PP2D1: variants seen among roughly 807,000 people sequenced by gnomAD.
PP2D1 encodes protein phosphatase 2C like domain containing 1.
PP2D1 carries 25 observed loss-of-function variants against 30.2 expected under a neutral mutation model. That is an observed-to-expected ratio of 0.83 (90% CI 0.60 to 1.16). The LOEUF (loss-of-function observed/expected upper bound fraction) is 1.16. Ranked by LOEUF, PP2D1 falls within the 50% of genes most tolerant of loss-of-function variation. PP2D1 has a pLI of 0.00. For synonymous variants in PP2D1, 260 were observed against 258.9 expected, an observed-to-expected ratio of 1.00 and a Z score of -0.04; for missense variants, 760 against 742.4, an observed-to-expected ratio of 1.02 and a Z score of -0.28.
chr3:19,989,690 T>C (rs554328997), intron 2 of PP2D1, among the ~76,000 whole-genome samples: 76 of 152,290 alleles, frequency 5.0e-4, no homozygotes, highest in African/African-American at 1.7e-3. Flanking sequence ...TTAGTACATA[T>C]GGTTCAGTAC....
In PP2D1 at chr3:19,988,470, TGATAA is replaced by T. The variant is rs565826256; in HGVS notation, c.1091-2293_1091-2289del. ...TTGTCTGCTCTCAAACCCTGTCTCCTGATAAGATGTTATCAATGACAATGCATGCC... is the reference window on the plus strand; with the variant it reads ...TTGTCTGCTCTCAAACCCTGTCTCCTGATGTTATCAATGACAATGCATGCC... On this transcript the variant is annotated intron_variant, in intron 2 of 2. Coordinates refer to ENST00000389050, the MANE Select transcript of PP2D1 (RefSeq NM_001252657.2). Among the ~76,000 whole-genome samples the T allele has an allele frequency of 8.8e-4, 134 of 152,348 alleles. 2 individuals are homozygous for T. The Middle Eastern group carries it at 0.031, about 35-fold the overall frequency.
At chr3:19,983,211 C>T (rs867508711), downstream of PP2D1, among the ~76,000 whole-genome samples, 1 of 151,850 alleles carries the variant, frequency 6.6e-6, no homozygotes, top group Non-Finnish European at 1.5e-5. Flanking sequence ...TGGGGCATGC[C>T]TGTAATTCCA....
chr3:20,006,951 G>A (rs1487952172), intron 1 of PP2D1, among the ~76,000 whole-genome samples: 9 of 149,644 alleles, frequency 6.0e-5, no homozygotes, highest in African/African-American at 2.2e-4. Context: ...ACGTATGTGT[G>A]TATATATATA....
chr3:20,007,180 A>G (rs1036065966), intron 1 of PP2D1, among the ~76,000 whole-genome samples: 32 of 152,096 alleles, frequency 2.1e-4, no homozygotes, highest in African/African-American at 7.2e-4. Flanking sequence ...GCCCTCCTGT[A>G]TACTTTAAAT....
rs563545201 is a variant in PP2D1, at chr3:20,004,425, A to G, written c.24-2329T>C. Among the ~76,000 whole-genome samples the G allele has an allele frequency of 2.6e-5, 4 of 152,336 alleles. No individual in the cohort carries two copies. In the East Asian group the frequency reaches 7.7e-4, roughly 29 times the overall value. On this transcript the variant is annotated intron_variant, in intron 1 of 2. Coordinates refer to ENST00000389050, the MANE Select transcript of PP2D1 (RefSeq NM_001252657.2). Reference sequence around the variant, plus strand: ...CATCGTTAAATGATGCATGATTGTAATTACTTTTGTACTGCATTTCGTCTG... The same window carrying G: ...CATCGTTAAATGATGCATGATTGTAGTTACTTTTGTACTGCATTTCGTCTG...
In PP2D1 at chr3:20,001,474, C is replaced by G. The variant is rs1251905874; in HGVS notation, c.646G>C (p.Ala216Pro). The change falls in exon 2 of 3, where the codon GCA becomes CCA. Residue 216 changes from alanine (A) to proline (P), a missense_variant. Physicochemically the swap from Ala to Pro is conservative, Grantham distance 27. Coordinates refer to ENST00000389050, the MANE Select transcript of PP2D1 (RefSeq NM_001252657.2). ...GGGAGTTCCATTGATGTCAACTCTG[C>G]CGCTGAGGCACCGTGATGTCCATCA... Reference protein sequence around the residue: ...LFDGHHGASAAELTSMELPVL... With the variant: ...LFDGHHGASAPELTSMELPVL... The G allele has an allele frequency of 2.0e-6, 3 of 1,536,240 alleles. No individual in the cohort carries two copies. Among genetic ancestry groups the G allele is most frequent in the Non-Finnish European group, 2.6e-6 (3 of 1,146,952 alleles).
Position 19,985,878 on chromosome 3 carries a change from T to G in PP2D1, c.1395A>C (p.Glu465Asp). The G allele has an allele frequency of 6.5e-7, 1 of 1,536,444 alleles. No homozygotes were observed. The highest frequency in any genetic ancestry group is 8.7e-7 in the Non-Finnish European group (1 of 1,146,958). Residue 465 changes from glutamate (E) to aspartate (D), a missense_variant, in exon 3 of 3, where the codon GAA becomes GAC. Transcript: ENST00000389050. ...ATGTTGTCATTGCCAGGGCAGTAAC[T>G]TCCTCTTTATCCAAAACTTCCCAAA... ...NGLWEVLDKE[E>D]VTALAMTTFH...
chr3:20,010,026 C>G (rs183174266), intron 1 of PP2D1, among the ~76,000 whole-genome samples: 3 of 152,200 alleles, frequency 2.0e-5, no homozygotes, highest in Non-Finnish European at 4.4e-5. Flanking sequence ...CCCATACACT[C>G]ATCACTAGCT....
Position 19,985,533 on chromosome 3 carries a change from A to G in PP2D1, c.1740T>C (p.Asn580=). ...AACTCTTAGTGTCTGATTCTTTTTC[A>G]TTTGTTGCCACATCATTTACACTAG... ...RPTSVNDVAT[N]EKESDTKSFY... is the part of the protein sequence containing the mutation. Residue 580 remains asparagine, a synonymous_variant, in exon 3 of 3, where the codon AAT becomes AAC. Coordinates refer to ENST00000389050, the MANE Select transcript of PP2D1 (RefSeq NM_001252657.2). 6.5e-7 allele frequency: 1 copy of G among 1,535,958 alleles called. No homozygotes were observed. Among genetic ancestry groups the G allele is most frequent in the Non-Finnish European group, 8.7e-7 (1 of 1,146,842 alleles).
At chr3:19,981,218 T>A (rs1337445010), downstream of PP2D1, among the ~76,000 whole-genome samples, 7 of 152,232 alleles carry the variant, frequency 4.6e-5, no homozygotes. Context: ...TGGTTTGACT[T>A]ACGATTTTAT....
chr3:19,994,037 C>A (rs2125140634), intron 2 of PP2D1, among the ~76,000 whole-genome samples: 1 of 134,766 alleles, frequency 7.4e-6, no homozygotes, highest in Admixed American at 7.4e-5. Flanking sequence ...AGGCCCAATT[C>A]TGTCTTAAAA....
Position 19,985,356 on chromosome 3 carries a change from C to T in PP2D1, c.*24G>A, listed in dbSNP as rs751264443. The T allele has an allele frequency of 8.9e-6, 13 of 1,466,636 alleles. No homozygotes were observed. In the South Asian group the frequency reaches 1.6e-4, roughly 18 times the overall value. 90.9% of individuals were successfully genotyped at this position (1,466,636 alleles called of 1,614,324 possible). ...AAGAATCACTTTATATTTTGGTGCT[C>T]TGGATAATTGGAACTTTATTTTTTT... is the stretch of plus-strand genomic sequence containing the variant. On this transcript the variant is annotated 3_prime_UTR_variant, in exon 3 of 3. Transcript: ENST00000389050.
chr3:19,994,472 C>G (rs1697153862), intron 2 of PP2D1, among the ~76,000 whole-genome samples: 1 of 152,166 alleles, frequency 6.6e-6, no homozygotes, highest in Non-Finnish European at 1.5e-5. Context: ...CTCTGCAAAA[C>G]AAAGAATGTG....
In PP2D1 at chr3:20,002,002, T is replaced by C; in HGVS notation, c.118A>G (p.Lys40Glu). The C allele has an allele frequency of 6.5e-7, 1 of 1,536,080 alleles. No homozygotes were observed. Among genetic ancestry groups the C allele is most frequent in the South Asian group, 1.2e-5 (1 of 84,066 alleles). The change falls in exon 2 of 3, where the codon AAG (lysine) becomes GAG (glutamate). Residue 40 changes from lysine (K) to glutamate (E), a missense_variant. Lys to Glu is a moderately conservative substitution (Grantham distance 56, BLOSUM62 1). Coordinates refer to ENST00000389050, the MANE Select transcript of PP2D1 (RefSeq NM_001252657.2). ...TGTCTCACTGGTCTTGACTTTTTCT[T>C]TCTAAAACGTTTTCTTTTGGGTAAA... ...LLLPKRKRFR[K>E]KKSRPVRHTK...
downstream of PP2D1, chr3:19,985,057 G>C: frequency 4.1e-6 from 1 of 242,006 alleles, no homozygotes; most frequent in Non-Finnish European, 7.9e-6. Flanking sequence ...ATCTATTTAA[G>C]TGTTGGACTG....
chr3:20,001,890 C>T lies in PP2D1; in HGVS notation c.230G>A (p.Gly77Asp). ...ATGTTGCTTCTTATGGAGAAAAATACCAGTTAGGTCAATTTCGTGCTTGCA... is the reference window on the plus strand; with the variant it reads ...ATGTTGCTTCTTATGGAGAAAAATATCAGTTAGGTCAATTTCGTGCTTGCA... The part of the protein sequence containing the change: ...SICKHEIDLT[G>D]IFLHKKQHVA... The change falls in exon 2 of 3, where the codon GGT (glycine) becomes GAT (aspartate). Residue 77 changes from glycine (G) to aspartate (D), a missense_variant. Physicochemically the swap from Gly to Asp is moderately conservative, Grantham distance 94. Transcript: ENST00000389050. 1.3e-6 allele frequency: 2 copies of T among 1,536,174 alleles called. No homozygotes were observed. Among genetic ancestry groups the T allele is most frequent in the Non-Finnish European group, 1.7e-6 (2 of 1,146,924 alleles).
downstream of PP2D1, among the ~76,000 whole-genome samples, chr3:19,980,730 G>A (rs1049127781): frequency 3.3e-5 from 5 of 152,112 alleles, no homozygotes; most frequent in African/African-American, 1.2e-4. Context: ...CATTTCTGGG[G>A]CTTTGCTTGT....
chr3:19,999,269 A>AG (rs1463887223), intron 2 of PP2D1, among the ~76,000 whole-genome samples: 1 of 151,894 alleles, frequency 6.6e-6, no homozygotes, highest in Non-Finnish European at 1.5e-5. Context: ...TAGGAAAGAC[A>AG]GGGTTTCACC....
At chr3:19,984,822 C>T (rs1697002240), downstream of PP2D1, 1 of 152,916 alleles carries the variant, frequency 6.5e-6, no homozygotes, top group African/African-American at 2.4e-5. Context: ...CTAATTATTT[C>T]TCTCTCCCCC....
Sources: gnomAD v4.1 joint callset for allele counts (sites outside exome capture counted in the v4.1 genomes callset) on GRCh38, gnomAD v4.1.1 for gene constraint, MANE v1.5 for transcripts, NCBI Gene and HGNC (gene_info 2026-07-23, HGNC 2026-07-21) for gene names.